SORCS1: variants seen among roughly 807,000 people sequenced by gnomAD.
The protein encoded by SORCS1 is sortilin related VPS10 domain containing receptor 1, also known as VPS10 domain-containing receptor SorCS1.
In SORCS1, 60 loss-of-function variants were observed where a neutral mutation model predicts 146.1. The ratio of observed to expected loss-of-function variants is 0.41; its 90% CI spans 0.33 to 0.51. The LOEUF is 0.51. SORCS1 is among the 20% of genes least tolerant of loss of function. The pLI is 0.21. For missense variants in SORCS1, 1,352 were observed against 1,487.6 expected (o/e 0.91, Z 1.50); for synonymous variants, 637 against 584.0 (o/e 1.09, Z -1.31).
intron 2 of SORCS1, among the ~76,000 whole-genome samples, chr10:106,878,632 A>ATATATGTATATATATATATATACATG (rs1564765017): frequency 7.5e-6 from 1 of 133,924 alleles, no homozygotes; most frequent in African/African-American, 2.7e-5. Flanking sequence ...ATATATATAT[A>ATATATGTATATATATATATATACATG]TATATATATA....
At chr10:107,039,480 A>C (rs1959068816) in intron 1 of SORCS1, among the ~76,000 whole-genome samples, 1 of 152,208 alleles carries the variant, frequency 6.6e-6, no homozygotes, top group South Asian at 2.1e-4. Flanking sequence ...ATTCTTTAGC[A>C]TGAGCCAAAG....
chr10:107,023,214 G>A (rs1958228015), intron 1 of SORCS1, among the ~76,000 whole-genome samples: 1 of 152,250 alleles, frequency 6.6e-6, no homozygotes, highest in East Asian at 1.9e-4. Context: ...GCAGAATCAG[G>A]ACCCAACCCC....
chr10:107,103,522 T>G (rs539886394), intron 1 of SORCS1, among the ~76,000 whole-genome samples: 3 of 152,334 alleles, frequency 2.0e-5, no homozygotes, highest in Non-Finnish European at 4.4e-5. Context: ...AATACTGATT[T>G]TGATCTTCCT....
chr10:106,766,171 G>A (rs1859556216), intron 4 of SORCS1, among the ~76,000 whole-genome samples: 1 of 152,122 alleles, frequency 6.6e-6, no homozygotes. Flanking sequence ...AAGGTTGCCT[G>A]CCCACTCCTC....
chr10:106,679,619 G>C lies in SORCS1; in HGVS notation c.1663+13C>G, dbSNP rs1852291213. The C allele has an allele frequency of 6.2e-7, 1 of 1,601,240 alleles. No individual in the cohort carries two copies. Among genetic ancestry groups the C allele is most frequent in the Non-Finnish European group, 8.5e-7 (1 of 1,171,274 alleles). On this transcript the variant is annotated intron_variant, in intron 11 of 25. Transcript: ENST00000263054. ...CTATTTACCACAGCCAGCAAACCAGGTAAGCTTCTTACCTGATGCCACTAT... is the reference window on the plus strand; with the variant it reads ...CTATTTACCACAGCCAGCAAACCAGCTAAGCTTCTTACCTGATGCCACTAT...
At position 106,674,328 on chromosome 10, in the gene SORCS1, C is replaced by CAAAAAAAAAAAAAAAAA; in HGVS notation, c.1940+704_1940+720dup. On this transcript the variant is annotated intron_variant, in intron 14 of 25. Coordinates refer to ENST00000263054, the MANE Select transcript of SORCS1 (RefSeq NM_052918.5). ...TGGGCGACAGAGTAAGACTCCGTCT[C>CAAAAAAAAAAAAAAAAA]AAAAAAAAAAAAAAAAAAAAAAAAA... is the stretch of plus-strand genomic sequence containing the variant. Among the ~76,000 whole-genome samples, 158 of 27,368 alleles carry CAAAAAAAAAAAAAAAAA rather than the reference C, an allele frequency of 5.8e-3. 48 individuals are homozygous for CAAAAAAAAAAAAAAAAA. Among genetic ancestry groups the CAAAAAAAAAAAAAAAAA allele is most frequent in the Non-Finnish European group, 6.7e-3 (124 of 18,432 alleles). The allele number at this position is 27,368 out of a possible 152,430, so 18.0% of individuals were successfully genotyped here.
intron 24 of SORCS1, among the ~76,000 whole-genome samples, chr10:106,594,597 G>A (rs926834655): frequency 6.6e-6 from 1 of 152,152 alleles, no homozygotes; most frequent in African/African-American, 2.4e-5. Flanking sequence ...ATTGAAGAAT[G>A]GGAGAAATAG....
chr10:106,923,357 A>C (rs1208565822), intron 2 of SORCS1, among the ~76,000 whole-genome samples: 1 of 152,174 alleles, frequency 6.6e-6, no homozygotes, highest in African/African-American at 2.4e-5. Flanking sequence ...TTTTAGCTGA[A>C]TAATATTCCA....
chr10:107,044,831 A>G (rs1219183285), intron 1 of SORCS1, among the ~76,000 whole-genome samples: 1 of 151,658 alleles, frequency 6.6e-6, no homozygotes, highest in African/African-American at 2.4e-5. Flanking sequence ...AAAAAAAAAA[A>G]AAAAAGTGAC....
intron 6 of SORCS1, among the ~76,000 whole-genome samples, chr10:106,714,872 G>A (rs1345873982): frequency 6.6e-6 from 1 of 152,112 alleles, no homozygotes; most frequent in Admixed American, 6.5e-5. Context: ...TTGCTGTTGA[G>A]CTGTGCAATA....
At chr10:106,797,575 C>A (rs545091059) in intron 3 of SORCS1, among the ~76,000 whole-genome samples, 2 of 151,644 alleles carry the variant, frequency 1.3e-5, no homozygotes, top group African/African-American at 4.8e-5. Flanking sequence ...AAACAACCAA[C>A]CAGGTGCATT....
chr10:107,054,180 A>G (rs1001550509), intron 1 of SORCS1, among the ~76,000 whole-genome samples: 4 of 152,210 alleles, frequency 2.6e-5, no homozygotes, highest in Non-Finnish European at 5.9e-5. Flanking sequence ...TATGATTCAG[A>G]GAGGGGAAAC....
At position 106,611,971 on chromosome 10, in the gene SORCS1, G is replaced by C. The variant is rs1424198491; in HGVS notation, c.2973C>G (p.Asn991Lys). The C allele has an allele frequency of 6.2e-7, 1 of 1,614,030 alleles. No individual in the cohort carries two copies. Among genetic ancestry groups the C allele is most frequent in the Non-Finnish European group, 8.5e-7 (1 of 1,180,016 alleles). Residue 991 changes from asparagine to lysine, a missense_variant, in exon 22 of 26, where the codon AAC (asparagine) becomes AAG (lysine). This residue lies in a region of SORCS1 where 648 missense variants were observed against 793.8 expected (regional missense o/e 0.82). Transcript: ENST00000263054. ...LSFSPNLDDY[N>K]PDIPEWRRDI... ...CCCTCCTCCACTCAGGGATGTCCGG[G>C]TTGTAGTCATCCAGGTTTGGAGAAA...
chr10:106,704,173 G>A (rs1854338324), intron 8 of SORCS1, among the ~76,000 whole-genome samples: 1 of 152,158 alleles, frequency 6.6e-6, no homozygotes, highest in South Asian at 2.1e-4. Context: ...TTTAAACTAT[G>A]ATTTCTGGGG....
At position 106,926,874 on chromosome 10, in the gene SORCS1, G is replaced by C. The variant is rs866066328; in HGVS notation, c.626+29639C>G. Among the ~76,000 whole-genome samples the C allele has an allele frequency of 5.4e-4, 68 of 125,022 alleles. 2 individuals are homozygous for C. The highest frequency in any genetic ancestry group is 6.8e-4 in the Admixed American group (8 of 11,790). The allele number at this position is 125,022 out of a possible 152,430, so 82.0% of individuals were successfully genotyped here. On this transcript the variant is annotated intron_variant, in intron 2 of 25. Coordinates refer to ENST00000263054, the MANE Select transcript of SORCS1 (RefSeq NM_052918.5). Reference sequence around the variant, plus strand: ...ACACACACACACACACACAGAGAGAGAGAGAGAGAGAGAGAGAGAGAGAGA... The same window carrying C: ...ACACACACACACACACACAGAGAGACAGAGAGAGAGAGAGAGAGAGAGAGA...
At position 106,592,699 on chromosome 10, in the gene SORCS1, G is replaced by A. The variant is rs137984956; in HGVS notation, c.3265+4652C>T. ...TTTCTTTTAATTTTTATTTTCCCCTGCCTACAGGGGGGATGAGAGAAAGAG... is the reference window on the plus strand; with the variant it reads ...TTTCTTTTAATTTTTATTTTCCCCTACCTACAGGGGGGATGAGAGAAAGAG... On this transcript the variant is annotated intron_variant, in intron 24 of 25. Coordinates refer to ENST00000263054, the MANE Select transcript of SORCS1 (RefSeq NM_052918.5). Among the ~76,000 whole-genome samples, 388 of 150,864 alleles carry A rather than the reference G, an allele frequency of 2.6e-3. 3 individuals carry two copies. The highest frequency in any genetic ancestry group is 9.0e-3 in the African/African-American group (370 of 41,086).
intron 17 of SORCS1, chr10:106,667,410 A>C: frequency 2.9e-6 from 1 of 341,052 alleles, no homozygotes; most frequent in Non-Finnish European, 5.4e-6. Context: ...TAGCTTGAAA[A>C]CAAAGTGTCG....
At chr10:106,801,615 C>A (rs958371445) in intron 3 of SORCS1, among the ~76,000 whole-genome samples, 3 of 150,406 alleles carry the variant, frequency 2.0e-5, no homozygotes, top group Non-Finnish European at 3.0e-5. Context: ...TGCAAAGCTC[C>A]GCCTCCCAGG....
intron 1 of SORCS1, among the ~76,000 whole-genome samples, chr10:106,999,926 G>GAA (rs112201363): frequency 2.4e-4 from 36 of 151,222 alleles, no homozygotes; most frequent in African/African-American, 8.5e-4. Context: ...TTGTTGTTTG[G>GAA]AAAAAAAAAT....
Sources: allele counts gnomAD v4.1 joint callset (sites outside exome capture counted in the v4.1 genomes callset), GRCh38; gene constraint gnomAD v4.1.1; regional missense constraint gnomAD v4.1.1; transcripts MANE v1.5; gene names NCBI Gene and HGNC (gene_info 2026-07-23, HGNC 2026-07-21).